The following SMARCA2 variants were observed in gnomAD, a reference collection of about 807,000 sequenced individuals.
SMARCA2 encodes the protein SWI/SNF-related matrix-associated actin-dependent regulator of chromatin subfamily A member 2.
Under a neutral mutation model 199.8 loss-of-function variants are expected in SMARCA2, and 61 were observed. The ratio of observed to expected loss-of-function variants is 0.31; its 90% CI spans 0.25 to 0.38. The LOEUF (loss-of-function observed/expected upper bound fraction) is 0.38, where lower values mean the gene tolerates loss of function less well. Ranked by LOEUF, SMARCA2 falls within the 10% of genes least tolerant of loss-of-function variation. The pLI is 1.00. For missense variants in SMARCA2, 1,344 were observed against 2,012.2 expected (o/e 0.67, Z 6.35); for synonymous variants, 935 against 732.0 (o/e 1.28, Z -4.48).
At chr9:2,054,810 C>A (rs1820279104) in intron 6 of SMARCA2, 87 bp downstream of exon 6, 2 of 1,354,242 alleles carry the variant, frequency 1.5e-6, no homozygotes, top group East Asian at 4.6e-5. Flanking sequence ...TTAGTCTATT[C>A]AATATTGTTA....
At chr9:2,101,409 A>G (rs890485391) in intron 21 of SMARCA2, among the ~76,000 whole-genome samples, 161 bp from the exon 22 acceptor site, 2 of 152,194 alleles carry the variant, frequency 1.3e-5, no homozygotes, top group Non-Finnish European at 2.9e-5. Flanking sequence ...TGCATGCAAT[A>G]TACTGAATTT....
intron 7 of SMARCA2, among the ~76,000 whole-genome samples, chr9:2,057,330 A>G (rs1448282466): frequency 6.6e-6 from 1 of 152,172 alleles, no homozygotes; most frequent in Non-Finnish European, 1.5e-5. Flanking sequence ...CACTAATCCC[A>G]TTCGTAAGGG....
At position 2,179,170 on chromosome 9, in the gene SMARCA2, G is replaced by C. The variant is rs559438640; in HGVS notation, c.4254-2401G>C. Among the ~76,000 whole-genome samples, 136 of 152,302 alleles carry C rather than the reference G, an allele frequency of 8.9e-4. 1 individual carries two copies. The highest frequency in any genetic ancestry group is 3.0e-3 in the African/African-American group (126 of 41,582). ...GGGTCATAAAGAGGGGATTGCCCAT[G>C]AAAGTTGGGGGTACACAGTAGAGAC... On this transcript the variant is annotated intron_variant, in intron 29 of 33. Transcript: ENST00000349721.
At chr9:2,024,662 A>G (rs1196953131) in intron 1 of SMARCA2, among the ~76,000 whole-genome samples, 1 of 151,928 alleles carries the variant, frequency 6.6e-6, no homozygotes, top group Non-Finnish European at 1.5e-5. Flanking sequence ...TTTGGCTTCT[A>G]CTTTCTACCC....
chr9:2,142,774 G>A (rs750871490), intron 27 of SMARCA2, among the ~76,000 whole-genome samples: 58 of 152,084 alleles, frequency 3.8e-4, no homozygotes, highest in Non-Finnish European at 5.7e-4. Context: ...TTTATTCACT[G>A]TGTAGTTGTG....
chr9:2,186,083 T>C lies in SMARCA2; in HGVS notation c.4462-13T>C. ...AGCTTGCAGTTTTAACAGATGCCCC[T>C]TTGACCATTTAGATCTATGAAGACT... On this transcript the variant is annotated splice_polypyrimidine_tract_variant and intron_variant, in intron 31 of 33. Transcript: ENST00000349721. 6.2e-7 allele frequency: 1 copy of C among 1,613,066 alleles called. No individual in the cohort carries two copies. The highest frequency in any genetic ancestry group is 1.1e-5 in the South Asian group (1 of 90,936).
intron 19 of SMARCA2, among the ~76,000 whole-genome samples, chr9:2,090,559 G>T (rs1047753534): frequency 2.6e-5 from 4 of 152,178 alleles, no homozygotes; most frequent in Non-Finnish European, 5.9e-5. Flanking sequence ...GAGTTGTGAG[G>T]ATTAAATGGA....
chr9:2,146,050 T>G (rs2130702788), intron 27 of SMARCA2, among the ~76,000 whole-genome samples: 1 of 152,344 alleles, frequency 6.6e-6, no homozygotes, highest in African/African-American at 2.4e-5. Context: ...GCTGGGTGTC[T>G]TAGTCTGGGA....
At chr9:2,112,265 G>C (rs555678470) in intron 24 of SMARCA2, among the ~76,000 whole-genome samples, 2 of 152,216 alleles carry the variant, frequency 1.3e-5, no homozygotes, top group South Asian at 4.2e-4. Flanking sequence ...TATCCTTGCT[G>C]GTACCTAAGT....
At chr9:2,120,094 A>G (rs1267559170) in intron 26 of SMARCA2, among the ~76,000 whole-genome samples, 1 of 152,256 alleles carries the variant, frequency 6.6e-6, no homozygotes, top group Non-Finnish European at 1.5e-5. Flanking sequence ...GCCCGCTTAA[A>G]TGAATGGGAA....
intron 27 of SMARCA2, among the ~76,000 whole-genome samples, chr9:2,151,424 T>G (rs1309980224): frequency 6.6e-6 from 1 of 151,552 alleles, no homozygotes; most frequent in East Asian, 1.9e-4. Flanking sequence ...CAGGCCAGCA[T>G]GAAGCTACAG....
At chr9:2,118,392 G>T (rs1208884745) in intron 25 of SMARCA2, among the ~76,000 whole-genome samples, 1 of 152,144 alleles carries the variant, frequency 6.6e-6, no homozygotes, top group Non-Finnish European at 1.5e-5. Flanking sequence ...TTAAGTTCCT[G>T]CAGTGCGAAA....
chr9:2,132,365 C>G (rs372298632), intron 27 of SMARCA2, among the ~76,000 whole-genome samples: 11 of 152,294 alleles, frequency 7.2e-5, no homozygotes, highest in African/African-American at 1.9e-4. Flanking sequence ...GCTTGAATCA[C>G]TCAGCTCTGT....
chr9:2,071,886 G>T (rs1434117449), intron 10 of SMARCA2: 3 of 152,104 alleles, frequency 2.0e-5, no homozygotes, highest in African/African-American at 4.8e-5. Flanking sequence ...AGGAAGAAGT[G>T]TCATGTTGGC....
At chr9:2,144,527 C>T (rs1316371122) in intron 27 of SMARCA2, among the ~76,000 whole-genome samples, 6 of 152,124 alleles carry the variant, frequency 3.9e-5, no homozygotes, top group Admixed American at 2.6e-4. Flanking sequence ...AAGTAGGATC[C>T]CCATGGCAGA....
chr9:2,033,327 C>G (rs934761781), intron 3 of SMARCA2: 5 of 401,396 alleles, frequency 1.2e-5, no homozygotes, highest in Admixed American at 8.6e-5. Context: ...CTGCAAAGAG[C>G]TCTATGTACT....
In SMARCA2 at chr9:2,017,768, C is replaced by A. The variant is rs913166139; in HGVS notation, c.-37+2364C>A. 6.6e-6 allele frequency: 1 copy of A among 152,342 alleles called. No homozygotes were observed. The highest frequency in any genetic ancestry group is 2.4e-5 in the African/African-American group (1 of 41,448). The allele number at this position is 152,342 out of a possible 1,614,324, so 9.4% of individuals were successfully genotyped here. Reference sequence around the variant, plus strand: ...GCGCCGCCACCCCAAGCTCCGCGAACCCCGCGCCCCTTTTTGTTCCGCGTC... The same window carrying A: ...GCGCCGCCACCCCAAGCTCCGCGAAACCCGCGCCCCTTTTTGTTCCGCGTC... On this transcript the variant is annotated intron_variant, in intron 1 of 33. Coordinates refer to ENST00000349721, the MANE Select transcript of SMARCA2 (RefSeq NM_003070.5). This position sits in a 1 kb window ranked among gnomAD's most constrained non-coding sequence, Gnocchi z 8.8.
chr9:2,178,481 A>G (rs115232067), intron 29 of SMARCA2, among the ~76,000 whole-genome samples: 1 of 152,328 alleles, frequency 6.6e-6, no homozygotes, highest in African/African-American at 2.4e-5. Context: ...ACCTTGGGAT[A>G]GGATAAGCAT....
At chr9:2,087,187 A>G in intron 18 of SMARCA2, 116 bp downstream of exon 18, 1 of 1,286,280 alleles carries the variant, frequency 7.8e-7, no homozygotes. Flanking sequence ...ACTGTTGTTT[A>G]TTTTATGAAA....
Sources: allele counts gnomAD v4.1 joint callset (sites outside exome capture counted in the v4.1 genomes callset), GRCh38; gene constraint gnomAD v4.1.1; non-coding constraint Gnocchi (gnomAD v3.1); transcripts MANE v1.5; gene names NCBI Gene and HGNC (gene_info 2026-07-23, HGNC 2026-07-21).